DIS3L2: variants seen among roughly 807,000 people sequenced by gnomAD.
DIS3L2 encodes DIS3-like exonuclease 2.
A neutral mutation model predicts 97.5 loss-of-function variants in DIS3L2; 34 were observed. That is an observed-to-expected ratio of 0.35 (90% CI 0.27 to 0.46). The LOEUF is 0.46. DIS3L2 is among the 20% of genes least tolerant of loss of function. The pLI is 1.00. For synonymous variants in DIS3L2, 435 were observed against 445.2 expected (o/e 0.98, Z 0.29); for missense variants, 1,038 against 1,146.0 (o/e 0.91, Z 1.36).
At chr2:232,100,533 C>T (rs1223842657) in intron 6 of DIS3L2, among the ~76,000 whole-genome samples, 4 of 151,918 alleles carry the variant, frequency 2.6e-5, no homozygotes, top group South Asian at 2.1e-4. Context: ...CCTCTAAATA[C>T]TTCTTTAGCT....
intron 5 of DIS3L2, among the ~76,000 whole-genome samples, chr2:232,081,476 T>C (rs1386250777): frequency 4.1e-5 from 5 of 121,398 alleles, no homozygotes; most frequent in African/African-American, 1.4e-4. Flanking sequence ...AAAATGGCGA[T>C]ACCGAAAGCC....
rs577066971 is a variant in DIS3L2, at chr2:232,333,063, C to A, written c.2011-777C>A. On this transcript the variant is annotated intron_variant, in intron 16 of 20. Transcript: ENST00000325385. ...GTCTCCAGCAGACAGCGTCTGCAGC[C>A]CCTGGTCCAACAAAACCGCAGGCGG... Among the ~76,000 whole-genome samples, 3 of 151,942 alleles carry A rather than the reference C, an allele frequency of 2.0e-5. No homozygotes were observed. The South Asian group carries it at 6.2e-4, about 32-fold the overall frequency.
chr2:232,299,111 C>A (rs1453932062), intron 13 of DIS3L2, among the ~76,000 whole-genome samples: 1 of 152,238 alleles, frequency 6.6e-6, no homozygotes, highest in African/African-American at 2.4e-5. Context: ...TTCTTCCTTT[C>A]TTTCCTTACC....
At chr2:232,177,268 G>A (rs1443064560) in intron 9 of DIS3L2, among the ~76,000 whole-genome samples, 1 of 146,034 alleles carries the variant, frequency 6.8e-6, no homozygotes, top group Non-Finnish European at 1.5e-5. Context: ...ATAAACATAC[G>A]TGTGCATGTG....
At chr2:232,079,265 A>T (rs1212381316) in intron 5 of DIS3L2, among the ~76,000 whole-genome samples, 1 of 152,136 alleles carries the variant, frequency 6.6e-6, no homozygotes, top group Non-Finnish European at 1.5e-5. Flanking sequence ...AAATAAGGAG[A>T]TATATACTTT....
rs1698368717 is a variant in DIS3L2, at chr2:232,136,699, G to A, written c.930G>A (p.Glu310=). ...TCTGCCGCATTGTGGACTGGAAGGA[G>A]GACTGCAATTTTGCCCTGGGGTAGG... ...LFICRIVDWK[E]DCNFALGQLA... Residue 310 remains glutamate, a synonymous_variant, in exon 8 of 21, where the codon GAG becomes GAA. Transcript: ENST00000325385. 2.5e-6 allele frequency: 4 copies of A among 1,613,866 alleles called. No individual in the cohort carries two copies. The highest frequency in any genetic ancestry group is 3.4e-6 in the Non-Finnish European group (4 of 1,179,878).
chr2:232,019,354 C>A (rs1300841196), intron 3 of DIS3L2, among the ~76,000 whole-genome samples: 1 of 152,070 alleles, frequency 6.6e-6, no homozygotes, highest in African/African-American at 2.4e-5. Flanking sequence ...AAGTTTAAGA[C>A]CAGCCTGGGC....
At chr2:231,992,421 C>T (rs951671044) in intron 1 of DIS3L2, among the ~76,000 whole-genome samples, 3 of 152,118 alleles carry the variant, frequency 2.0e-5, no homozygotes, top group South Asian at 4.2e-4. Context: ...TTGGCTCCAC[C>T]GTGTCACCTC....
intron 8 of DIS3L2, among the ~76,000 whole-genome samples, chr2:232,156,773 A>G (rs1433569757): frequency 6.6e-6 from 1 of 152,168 alleles, no homozygotes; most frequent in African/African-American, 2.4e-5. Context: ...ACAAACACTG[A>G]GACTCCCACC....
At chr2:232,144,785 T>C (rs1298307807) in intron 8 of DIS3L2, among the ~76,000 whole-genome samples, 1 of 152,202 alleles carries the variant, frequency 6.6e-6, no homozygotes, top group East Asian at 1.9e-4. Flanking sequence ...TTACTTGTCC[T>C]TCACGAACTT....
intron 5 of DIS3L2, 99 bp downstream of exon 5, chr2:232,030,179 C>A: frequency 1.0e-6 from 1 of 973,450 alleles, no homozygotes; most frequent in East Asian, 2.6e-5. Context: ...GTCACAGACC[C>A]CTTAGGCGCT....
chr2:232,082,335 C>T (rs1053907760), intron 5 of DIS3L2, among the ~76,000 whole-genome samples: 3 of 152,166 alleles, frequency 2.0e-5, no homozygotes, highest in African/African-American at 7.2e-5. Context: ...GCCCCTGGGC[C>T]ATGGACTGGT....
intron 13 of DIS3L2, among the ~76,000 whole-genome samples, chr2:232,283,811 G>C (rs191553838): frequency 8.4e-4 from 128 of 152,270 alleles, no homozygotes; most frequent in African/African-American, 2.6e-3. Flanking sequence ...GTGGCCCAAG[G>C]GAGAGCTGTG....
intron 14 of DIS3L2, among the ~76,000 whole-genome samples, chr2:232,322,708 C>T (rs1695469147): frequency 6.6e-6 from 1 of 152,224 alleles, no homozygotes; most frequent in African/African-American, 2.4e-5. Flanking sequence ...GCTTCTCTCT[C>T]GTTTTTGTGG....
At chr2:232,131,784 TA>T (rs1362409368) in intron 7 of DIS3L2, 1 of 152,042 alleles carries the variant, frequency 6.6e-6, no homozygotes, top group Non-Finnish European at 1.5e-5. Flanking sequence ...GAGGAATTTC[TA>T]AATTATACTC....
chr2:232,213,661 G>GT (rs67846645), intron 10 of DIS3L2, among the ~76,000 whole-genome samples: 2,768 of 80,654 alleles, frequency 0.034, 116 homozygotes, highest in African/African-American at 0.11. Context: ...ATCATCTGTA[G>GT]TTTTTTTTTT....
At chr2:232,072,322 T>A (rs932865998) in intron 5 of DIS3L2, among the ~76,000 whole-genome samples, 2 of 152,068 alleles carry the variant, frequency 1.3e-5, no homozygotes, top group African/African-American at 4.8e-5. Context: ...AGATTTTAAA[T>A]AGGGTGATGA....
intron 10 of DIS3L2, among the ~76,000 whole-genome samples, chr2:232,216,112 G>A (rs558393881): frequency 4.6e-5 from 7 of 152,200 alleles, no homozygotes; most frequent in Non-Finnish European, 8.8e-5. Flanking sequence ...GGACACCTTG[G>A]AAGAGTTGTC....
Position 232,309,941 on chromosome 2 carries a change from C to G in DIS3L2, c.1739+9822C>G, listed in dbSNP as rs368254959. Among the ~76,000 whole-genome samples, 328 of 152,314 alleles carry G rather than the reference C, an allele frequency of 2.2e-3. 2 individuals carry two copies. The highest frequency in any genetic ancestry group is 7.5e-3 in the African/African-American group (310 of 41,566). On this transcript the variant is annotated intron_variant, in intron 14 of 20. Coordinates refer to ENST00000325385, the MANE Select transcript of DIS3L2 (RefSeq NM_152383.5). ...GAAGTCCTGTTTAATTAGCTTCCCC[C>G]CTGCTTGGTTCTTTGCCTTTGCCTT... is the stretch of plus-strand genomic sequence containing the variant.
Sources: allele counts gnomAD v4.1 joint callset (sites outside exome capture counted in the v4.1 genomes callset), GRCh38; gene constraint gnomAD v4.1.1; transcripts MANE v1.5; gene names NCBI Gene and HGNC (gene_info 2026-07-23, HGNC 2026-07-21).